TUNAR: variants seen among roughly 807,000 people sequenced by gnomAD.
TUNAR encodes the protein transmembrane neural differentiation associated intracellular calcium regulator.
chr14:95,886,536 A>G (rs1433279142), intron 2 of TUNAR, among the ~76,000 whole-genome samples: 1 of 152,190 alleles, frequency 6.6e-6, no homozygotes, highest in African/African-American at 2.4e-5. Context: ...CCTCTTCACG[A>G]CTGGCTGACT....
chr14:95,908,498 C>T (rs1295152592), intron 2 of TUNAR, among the ~76,000 whole-genome samples: 2 of 152,248 alleles, frequency 1.3e-5, no homozygotes, highest in Admixed American at 6.5e-5. Context: ...CTCATGACAA[C>T]TTACTGAGGA....
At chr14:95,913,335 A>G (rs1362185547) in intron 2 of TUNAR, among the ~76,000 whole-genome samples, 2 of 151,956 alleles carry the variant, frequency 1.3e-5, no homozygotes, top group East Asian at 1.9e-4. Flanking sequence ...ACTCCCCGAC[A>G]GGCTCCGGTG....
chr14:95,891,966 CTG>C (rs986881368), intron 2 of TUNAR, among the ~76,000 whole-genome samples: 1 of 152,264 alleles, frequency 6.6e-6, no homozygotes, highest in Non-Finnish European at 1.5e-5. Flanking sequence ...ATCTATTTGT[CTG>C]TGTCCAAATC....
intron 2 of TUNAR, among the ~76,000 whole-genome samples, chr14:95,881,947 C>T (rs891861943): frequency 6.6e-6 from 1 of 152,242 alleles, no homozygotes; most frequent in Non-Finnish European, 1.5e-5. Context: ...CTGGCCTTGC[C>T]TGTGTCATGT....
intron 2 of TUNAR, among the ~76,000 whole-genome samples, chr14:95,903,557 T>C (rs1889387271): frequency 1.3e-5 from 2 of 152,216 alleles, no homozygotes; most frequent in African/African-American, 4.8e-5. Context: ...ACTTTACAGA[T>C]GAAAAAAATT....
At chr14:95,920,338 T>C (rs181720660) in intron 2 of TUNAR, among the ~76,000 whole-genome samples, 180 of 152,204 alleles carry the variant, frequency 1.2e-3, no homozygotes, top group Non-Finnish European at 2.2e-3. Flanking sequence ...GCTAAACAGA[T>C]ATGAAAATGT....
chr14:95,912,382 G>A (rs958061815), intron 2 of TUNAR, among the ~76,000 whole-genome samples: 4 of 152,094 alleles, frequency 2.6e-5, no homozygotes. Flanking sequence ...CACTGGCTAC[G>A]TTCTGCATTC....
intron 2 of TUNAR, among the ~76,000 whole-genome samples, chr14:95,894,595 A>G (rs905789604): frequency 6.6e-6 from 1 of 152,104 alleles, no homozygotes; most frequent in Non-Finnish European, 1.5e-5. Flanking sequence ...TTCCCAATCG[A>G]TTGAGAAAGA....
chr14:95,916,497 A>T (rs540729045), intron 2 of TUNAR, among the ~76,000 whole-genome samples: 1 of 152,180 alleles, frequency 6.6e-6, no homozygotes, highest in Non-Finnish European at 1.5e-5. Flanking sequence ...CCAGCATGAG[A>T]ACTCACAACG....
chr14:95,910,410 G>A (rs1313107197), intron 2 of TUNAR, among the ~76,000 whole-genome samples: 1 of 152,210 alleles, frequency 6.6e-6, no homozygotes, highest in African/African-American at 2.4e-5. Context: ...TTGAGTGGGT[G>A]AATGGATGGA....
At chr14:95,878,121 G>T (rs907406285) in intron 2 of TUNAR, among the ~76,000 whole-genome samples, 5 of 152,196 alleles carry the variant, frequency 3.3e-5, no homozygotes, top group East Asian at 1.9e-4. Context: ...CTGTGCAGGG[G>T]CTGGCCCAGT....
At chr14:95,899,329 C>T (rs1889311548) in intron 2 of TUNAR, among the ~76,000 whole-genome samples, 1 of 152,108 alleles carries the variant, frequency 6.6e-6, no homozygotes, top group Admixed American at 6.6e-5. Context: ...TCCCACAGCC[C>T]CCCACAAAAA....
At chr14:95,888,257 G>C (rs1889109704) in intron 2 of TUNAR, among the ~76,000 whole-genome samples, 1 of 152,206 alleles carries the variant, frequency 6.6e-6, no homozygotes, top group Non-Finnish European at 1.5e-5. Flanking sequence ...TAGGGACCCT[G>C]TGCAATAAGT....
intron 2 of TUNAR, among the ~76,000 whole-genome samples, chr14:95,909,032 C>G (rs1488160479): frequency 6.6e-6 from 1 of 152,174 alleles, no homozygotes; most frequent in African/African-American, 2.4e-5. Flanking sequence ...CTCAGAGATA[C>G]CTGATGACTT....
rs1889246415 is a variant in TUNAR, at chr14:95,895,409, GTT to G, written c.12+18233_12+18234del. ...TCCAGCAAATCACACATGTGTGCATGTTGTTAGAGTGTGTGTGGTGCGTGTGT... is the reference window on the plus strand; with the variant it reads ...TCCAGCAAATCACACATGTGTGCATGGTTAGAGTGTGTGTGGTGCGTGTGT... On this transcript the variant is annotated intron_variant, in intron 2 of 2. Transcript: ENST00000678517. The surrounding 1 kb of genome is among the most constrained non-coding windows in gnomAD (Gnocchi z 4.5). 1.3e-5 allele frequency among the ~76,000 whole-genome samples: 2 copies of G among 152,160 alleles called. No individual in the cohort carries two copies. Among genetic ancestry groups the G allele is most frequent in the Non-Finnish European group, 2.9e-5 (2 of 68,022 alleles).
intron 2 of TUNAR, among the ~76,000 whole-genome samples, chr14:95,897,289 G>A (rs1010578402): frequency 3.9e-5 from 6 of 152,186 alleles, no homozygotes; most frequent in African/African-American, 1.2e-4. Context: ...ATCCACTGCC[G>A]TACTAGTGGC....
chr14:95,913,496 T>C (rs12880795), intron 2 of TUNAR, among the ~76,000 whole-genome samples: 86,259 of 152,014 alleles, frequency 0.57, 25,283 homozygotes, highest in African/African-American at 0.7. Flanking sequence ...ATCAGTGAGT[T>C]GTAATCACAC....
At chr14:95,878,185 A>G (rs921596713) in intron 2 of TUNAR, among the ~76,000 whole-genome samples, 2 of 152,206 alleles carry the variant, frequency 1.3e-5, no homozygotes, top group Admixed American at 6.5e-5. Context: ...AGCCCCAAAC[A>G]CTTCTGAGCC....
chr14:95,891,862 G>A (rs894790120), intron 2 of TUNAR, among the ~76,000 whole-genome samples: 7 of 152,184 alleles, frequency 4.6e-5, no homozygotes, highest in African/African-American at 9.7e-5. Context: ...GTCTCCTCCC[G>A]GTTGCTGGTG....
Sources: gnomAD v4.1 joint callset for allele counts (sites outside exome capture counted in the v4.1 genomes callset) on GRCh38, gnomAD v4.1.1 for gene constraint, Gnocchi (gnomAD v3.1) non-coding constraint, MANE v1.5 for transcripts, NCBI Gene and HGNC (gene_info 2026-07-23, HGNC 2026-07-21) for gene names.